The following TENM3 variants were observed in gnomAD, a reference collection of about 807,000 sequenced individuals.
The protein encoded by TENM3 is teneurin-3.
In TENM3, 63 loss-of-function variants were observed where a neutral mutation model predicts 255.1. The observed-to-expected ratio is 0.25, with a 90% CI of 0.20 to 0.30. The LOEUF (loss-of-function observed/expected upper bound fraction) is 0.30, where lower values mean the gene tolerates loss of function less well. Among genes scored for constraint, TENM3 ranks in the 10% least tolerant of loss-of-function variants. The probability of loss-of-function intolerance (pLI) is 1.00; values close to 1 mark genes in which losing one functional copy is unlikely to be tolerated. For synonymous variants in TENM3, 1,306 were observed against 1,322.3 expected (o/e 0.99, Z 0.27); for missense variants, 2,929 against 3,461.1 (o/e 0.85, Z 3.86).
the TENM3 span, among the ~76,000 whole-genome samples, chr4:181,958,236 G>A: frequency 3.3e-5 from 5 of 152,114 alleles, no homozygotes; most frequent in Admixed American, 2.6e-4. Flanking sequence ...TCCAATATAG[G>A]CAGTTGCAGG....
Position 182,773,631 on chromosome 4 carries a change from CT to C in TENM3, c.5053del (p.Tyr1685ThrfsTer8). 1 of 1,612,294 alleles carries C rather than the reference CT, an allele frequency of 6.2e-7. No homozygotes were observed. The highest frequency in any genetic ancestry group is 8.5e-7 in the Non-Finnish European group (1 of 1,179,164). ...TSNLSSIDSF[Y>X]TMVQDQLRNS... Reference sequence around the variant, plus strand: ...CAAATCTGTCCTCGATCGATTCTTTCTACACCATGGTTCAAGGTAAACACGA... The same window carrying C: ...CAAATCTGTCCTCGATCGATTCTTTCACACCATGGTTCAAGGTAAACACGA... On this transcript the variant is annotated frameshift_variant, in exon 23 of 28. Coordinates refer to ENST00000511685, the MANE Select transcript of TENM3 (RefSeq NM_001080477.4). LOFTEE classifies it high-confidence loss of function.
In TENM3 at chr4:182,182,075, A is replaced by C. The variant is rs115150562; in HGVS notation, c.-76+37321A>C. 8.5e-3 allele frequency among the ~76,000 whole-genome samples: 1,296 copies of C among 152,190 alleles called. 9 individuals carry two copies. The highest frequency in any genetic ancestry group is 0.012 in the Non-Finnish European group (791 of 68,006). On this transcript the variant is annotated intron_variant, in intron 1 of 2. Transcript: ENST00000512480. ...TAAAATTATCTTTCTTCTATTGGGG[A>C]ATTGTTGCTGATGGAAAACACTGCA...
the TENM3 span, among the ~76,000 whole-genome samples, chr4:181,868,875 G>C: frequency 6.6e-6 from 1 of 151,964 alleles, no homozygotes; most frequent in Non-Finnish European, 1.5e-5. Context: ...ATTTATTCCA[G>C]AGAAGGCCTT....
At chr4:182,745,199 T>C (rs778001372) in intron 19 of TENM3, among the ~76,000 whole-genome samples, 23 of 152,228 alleles carry the variant, frequency 1.5e-4, no homozygotes, top group Non-Finnish European at 1.0e-4. Context: ...GATGGATAGC[T>C]GTCGCATATC....
chr4:181,687,649 T>C, the TENM3 span, among the ~76,000 whole-genome samples: 8 of 152,170 alleles, frequency 5.3e-5, no homozygotes, highest in Non-Finnish European at 8.8e-5. Context: ...ATATCCTGTT[T>C]GGAGCAGTGC....
the TENM3 span, among the ~76,000 whole-genome samples, chr4:181,621,495 A>G: frequency 1.3e-5 from 2 of 152,200 alleles, no homozygotes; most frequent in Non-Finnish European, 2.9e-5. Flanking sequence ...AACTTTAATT[A>G]CCCTCTGGCT....
the TENM3 span, among the ~76,000 whole-genome samples, chr4:181,896,570 T>A: frequency 1.3e-5 from 2 of 152,186 alleles, no homozygotes; most frequent in Non-Finnish European, 2.9e-5. Context: ...GGGAAAATAA[T>A]AAGTGTGAAC....
the TENM3 span, among the ~76,000 whole-genome samples, chr4:182,104,800 A>C: frequency 6.6e-6 from 1 of 152,030 alleles, no homozygotes; most frequent in Non-Finnish European, 1.5e-5. Context: ...AGGGTGAGCC[A>C]CCGTGCCAGG....
chr4:182,374,995 G>C (rs940992545), intron 3 of TENM3, among the ~76,000 whole-genome samples: 6 of 151,736 alleles, frequency 4.0e-5, no homozygotes, highest in African/African-American at 1.5e-4. Context: ...GAGTTTTCTT[G>C]CCTCTCTGCC....
chr4:182,228,033 T>C (rs969265826), intron 1 of TENM3, among the ~76,000 whole-genome samples: 2 of 152,044 alleles, frequency 1.3e-5, no homozygotes, highest in Non-Finnish European at 2.9e-5. Context: ...AAGTCAAATA[T>C]ACAGAGATTG....
chr4:182,525,029 C>T (rs900021463), intron 3 of TENM3, among the ~76,000 whole-genome samples: 7 of 151,766 alleles, frequency 4.6e-5, no homozygotes, highest in Non-Finnish European at 8.8e-5. Flanking sequence ...GACCCTGTCT[C>T]AACAACAACA....
chr4:182,209,282 TAAAA>T lies in TENM3; in HGVS notation c.-76+64541_-76+64544del, dbSNP rs34530113. On this transcript the variant is annotated intron_variant, in intron 1 of 2. Coordinates refer to the TENM3 transcript ENST00000512480. ...CGCATCCAGCCCAGCTGTCCCTCTT[TAAAA>T]AAAAAAAAAAAATCGTTGTTTTGAC... Among the ~76,000 whole-genome samples the T allele has an allele frequency of 2.4e-3, 348 of 145,688 alleles. 1 individual carries two copies. The highest frequency in any genetic ancestry group is 8.5e-3 in the African/African-American group (337 of 39,744).
chr4:182,169,092 C>T (rs1480274680), intron 1 of TENM3, among the ~76,000 whole-genome samples: 1 of 151,988 alleles, frequency 6.6e-6, no homozygotes, highest in Non-Finnish European at 1.5e-5. Flanking sequence ...CACACACACA[C>T]ACACACACAC....
At chr4:182,629,467 T>C (rs896306109) in intron 5 of TENM3, among the ~76,000 whole-genome samples, 3 of 152,218 alleles carry the variant, frequency 2.0e-5, no homozygotes, top group African/African-American at 7.2e-5. Context: ...CATTTGATAG[T>C]AACCCAAATA....
intron 6 of TENM3, among the ~76,000 whole-genome samples, chr4:182,656,540 A>G (rs1192306380): frequency 6.6e-6 from 1 of 152,086 alleles, no homozygotes; most frequent in African/African-American, 2.4e-5. Context: ...ACCACCACCC[A>G]CCACCCACTA....
chr4:181,495,871 A>T, the TENM3 span, among the ~76,000 whole-genome samples: 8 of 149,010 alleles, frequency 5.4e-5, no homozygotes, highest in South Asian at 2.1e-4. Flanking sequence ...GCAAAATTCC[A>T]GGCACTTTGG....
chr4:181,455,654 G>C, the TENM3 span, among the ~76,000 whole-genome samples: 2 of 151,824 alleles, frequency 1.3e-5, no homozygotes, highest in Non-Finnish European at 2.9e-5. Context: ...AGTAATATTG[G>C]TGCTAATCTG....
chr4:182,161,734 CACAA>C (rs1751252264), intron 1 of TENM3, among the ~76,000 whole-genome samples: 1 of 72,044 alleles, frequency 1.4e-5, no homozygotes, highest in Non-Finnish European at 2.5e-5. Context: ...TATATATATA[CACAA>C]ATATATGTGT....
At chr4:181,590,675 C>T in the TENM3 span, among the ~76,000 whole-genome samples, 1 of 152,172 alleles carries the variant, frequency 6.6e-6, no homozygotes, top group Non-Finnish European at 1.5e-5. Flanking sequence ...GCCTTCCCAA[C>T]AGATGAGAAC....
Sources: gnomAD v4.1 joint callset for allele counts (sites outside exome capture counted in the v4.1 genomes callset) on GRCh38, gnomAD v4.1.1 for gene constraint, MANE v1.5 for transcripts, NCBI Gene and HGNC (gene_info 2026-07-23, HGNC 2026-07-21) for gene names.